Variants in SULT1B1 observed in about 807,000 individuals in gnomAD.
SULT1B1 encodes sulfotransferase family 1B member 1.
SULT1B1 carries 28 observed loss-of-function variants against 34.6 expected under a neutral mutation model. The observed-to-expected ratio is 0.81, with a 90% CI of 0.60 to 1.11. SULT1B1 has a LOEUF of 1.11. Among genes scored for constraint, SULT1B1 ranks in the 50% least tolerant of loss-of-function variants. The probability of loss-of-function intolerance (pLI) is 0.00; values close to 1 mark genes in which losing one functional copy is unlikely to be tolerated. For missense variants in SULT1B1, 374 were observed against 352.2 expected, an observed-to-expected ratio of 1.06 and a Z score of -0.50; for synonymous variants, 147 against 110.2, an observed-to-expected ratio of 1.33 and a Z score of -2.09.
intron 4 of SULT1B1, among the ~76,000 whole-genome samples, chr4:69,743,605 C>G (rs1718635896): frequency 6.6e-6 from 1 of 152,208 alleles, no homozygotes; most frequent in African/African-American, 2.4e-5. Flanking sequence ...AGCACCAAGG[C>G]TGTTACTGCC....
At chr4:69,742,546 A>G (rs1189549976) in intron 4 of SULT1B1, among the ~76,000 whole-genome samples, 1 of 152,182 alleles carries the variant, frequency 6.6e-6, no homozygotes, top group African/African-American at 2.4e-5. Context: ...CATTTTCAGG[A>G]CTGGCTACTG....
chr4:69,740,358 A>G (rs1405880011), intron 4 of SULT1B1, among the ~76,000 whole-genome samples: 2 of 152,198 alleles, frequency 1.3e-5, no homozygotes, highest in South Asian at 2.1e-4. Context: ...AGAAGCAGGT[A>G]TCTTCTTTAT....
At chr4:69,747,861 A>G (rs12501860) in intron 4 of SULT1B1, among the ~76,000 whole-genome samples, 44,702 of 151,896 alleles carry the variant, frequency 0.29, 7,683 homozygotes, top group South Asian at 0.45. Context: ...AAACCTATGC[A>G]GGATTCCTAG....
chr4:69,753,984 G>C (rs1719088947), intron 3 of SULT1B1, among the ~76,000 whole-genome samples: 1 of 152,064 alleles, frequency 6.6e-6, no homozygotes. Context: ...AATCTCTGAG[G>C]CTATTTTGGC....
At chr4:69,742,874 C>T (rs184873431) in intron 4 of SULT1B1, among the ~76,000 whole-genome samples, 2 of 152,338 alleles carry the variant, frequency 1.3e-5, no homozygotes, top group Admixed American at 1.3e-4. Flanking sequence ...CCAGCATGGC[C>T]CCAGCCTCAT....
Position 69,734,149 on chromosome 4 carries a change from A to G in SULT1B1, c.491T>C (p.Leu164Ser), listed in dbSNP as rs776848590. 1 of 1,609,672 alleles carries G rather than the reference A, an allele frequency of 6.2e-7. No individual in the cohort carries two copies. The highest frequency in any genetic ancestry group is 1.1e-5 in the South Asian group (1 of 90,026). The change falls in exon 5 of 8, where the codon TTA (leucine) becomes TCA (serine). Residue 164 changes from leucine (L) to serine (S), a missense_variant. By Grantham distance (145) the Leu-to-Ser change is moderately radical (BLOSUM62 -2). Transcript: ENST00000310613. ...GTWEEYLEKFLTGKVAYGSWF... is the reference protein window; with the variant it reads ...GTWEEYLEKFSTGKVAYGSWF... ...TAAAGTCCACATACCTTTTCCAGTT[A>G]AGAATTTCTCCAGATATTCTTCCCA...
intron 4 of SULT1B1, among the ~76,000 whole-genome samples, chr4:69,741,879 CTTTT>C (rs1320032016): frequency 2.0e-5 from 3 of 152,100 alleles, no homozygotes; most frequent in Non-Finnish European, 2.9e-5. Context: ...TTATTTCTTT[CTTTT>C]GTCTGATTGC....
At chr4:69,729,151 T>C (rs375304531) in intron 7 of SULT1B1, among the ~76,000 whole-genome samples, 124 of 152,218 alleles carry the variant, frequency 8.1e-4, no homozygotes, top group African/African-American at 2.8e-3. Context: ...CCTTGTTTAA[T>C]AAAGATTTAT....
intron 4 of SULT1B1, among the ~76,000 whole-genome samples, chr4:69,736,889 T>C (rs1718339314): frequency 6.6e-6 from 1 of 151,914 alleles, no homozygotes; most frequent in Non-Finnish European, 1.5e-5. Flanking sequence ...CATTTGTATG[T>C]TTAGAGTTAC....
At chr4:69,751,555 C>T (rs1163270751) in intron 3 of SULT1B1, among the ~76,000 whole-genome samples, 1 of 152,126 alleles carries the variant, frequency 6.6e-6, no homozygotes, top group East Asian at 1.9e-4. Flanking sequence ...GGGTTCACGC[C>T]ATTCTCCTGC....
intron 6 of SULT1B1, among the ~76,000 whole-genome samples, chr4:69,731,259 G>A (rs7660770): frequency 0.42 from 64,395 of 151,918 alleles, 14,378 homozygotes; most frequent in Non-Finnish European, 0.5. Flanking sequence ...GATTCTCATA[G>A]GAGCATGAAC....
At position 69,722,689 on chromosome 4, in the gene SULT1B1, C is replaced by T. The variant is rs1717693251; in HGVS notation, c.*4399G>A. 6.6e-6 allele frequency: 1 copy of T among 152,030 alleles called. No homozygotes were observed. The highest frequency in any genetic ancestry group is 2.4e-5 in the African/African-American group (1 of 41,400). 9.4% of individuals were successfully genotyped at this position (152,030 alleles called of 1,614,324 possible). On this transcript the variant is annotated 3_prime_UTR_variant, in exon 8 of 8. Transcript: ENST00000310613. ...GTTTGTTGTTACCACTAGACCAATCCTTTGCTGGGGTTGGAAAAGAGAAAT... is the reference window on the plus strand; with the variant it reads ...GTTTGTTGTTACCACTAGACCAATCTTTTGCTGGGGTTGGAAAAGAGAAAT...
chr4:69,736,707 A>G (rs1718328804), intron 4 of SULT1B1, among the ~76,000 whole-genome samples: 1 of 152,178 alleles, frequency 6.6e-6, no homozygotes, highest in Non-Finnish European at 1.5e-5. Flanking sequence ...ACTGAAATAA[A>G]TAAATAAATC....
Position 69,751,491 on chromosome 4 carries a change from G to A in SULT1B1, c.278-1673C>T, listed in dbSNP as rs188909792. On this transcript the variant is annotated intron_variant, in intron 3 of 7. Transcript: ENST00000310613. ...ATTTGAGACGGAGTCTCACTCTGTC[G>A]CCCAGGCTGGAGTGCAGTGGCGCGA... Among the ~76,000 whole-genome samples the A allele has an allele frequency of 2.3e-3, 352 of 152,222 alleles. 3 individuals are homozygous for A. Among genetic ancestry groups the A allele is most frequent in the East Asian group, 0.016 (83 of 5,160 alleles).
chr4:69,743,430 C>T (rs552203418), intron 4 of SULT1B1, among the ~76,000 whole-genome samples: 3 of 152,232 alleles, frequency 2.0e-5, no homozygotes, highest in East Asian at 3.9e-4. Flanking sequence ...GGTCCATGGG[C>T]AGCCATGGGT....
At chr4:69,730,757 G>T in intron 6 of SULT1B1, 76 bp from the exon 7 acceptor site, 1 of 1,368,994 alleles carries the variant, frequency 7.3e-7, no homozygotes, top group Non-Finnish European at 9.9e-7. Context: ...TTTATAATCC[G>T]TTTTTTTAAA....
chr4:69,732,806 T>C (rs149071050), intron 6 of SULT1B1, among the ~76,000 whole-genome samples: 49 of 151,686 alleles, frequency 3.2e-4, no homozygotes, highest in African/African-American at 1.2e-3. Flanking sequence ...TTTTGAAAGA[T>C]ACAATAGATA....
At chr4:69,742,738 C>T (rs1718598417) in intron 4 of SULT1B1, among the ~76,000 whole-genome samples, 1 of 152,222 alleles carries the variant, frequency 6.6e-6, no homozygotes, top group Admixed American at 6.5e-5. Flanking sequence ...TGCTACCAGC[C>T]TGGATCTCAT....
At chr4:69,731,793 A>C (rs1479050626) in intron 6 of SULT1B1, among the ~76,000 whole-genome samples, 1 of 152,212 alleles carries the variant, frequency 6.6e-6, no homozygotes, top group Admixed American at 6.5e-5. Flanking sequence ...TTAGACTATA[A>C]ATCAAAATGA....
Sources: allele counts gnomAD v4.1 joint callset (sites outside exome capture counted in the v4.1 genomes callset), GRCh38; gene constraint gnomAD v4.1.1; transcripts MANE v1.5; gene names NCBI Gene and HGNC (gene_info 2026-07-23, HGNC 2026-07-21).